CCDC73: variants seen among roughly 807,000 people sequenced by gnomAD.
The protein encoded by CCDC73 is coiled-coil domain containing 73.
CCDC73 carries 95 observed loss-of-function variants against 116.5 expected under a neutral mutation model. That is an observed-to-expected ratio of 0.82 (90% CI 0.69 to 0.97). CCDC73 has a LOEUF of 0.97. CCDC73 is among the 50% of genes least tolerant of loss of function. CCDC73 has a pLI of 0.00. For missense variants in CCDC73, 1,066 were observed against 1,206.8 expected (o/e 0.88, Z 1.73); for synonymous variants, 398 against 401.3 (o/e 0.99, Z 0.10).
intron 13 of CCDC73, among the ~76,000 whole-genome samples, chr11:32,639,163 C>CG (rs397784548): frequency 2.7e-5 from 4 of 149,790 alleles, no homozygotes; most frequent in Non-Finnish European, 5.9e-5. Flanking sequence ...ACACCCCCCC[C>CG]AAAAAATCCT....
chr11:32,612,891 C>T (rs982970562), intron 16 of CCDC73, among the ~76,000 whole-genome samples: 1 of 152,150 alleles, frequency 6.6e-6, no homozygotes, highest in Admixed American at 6.5e-5. Flanking sequence ...GGACATTATG[C>T]CATTTCATAT....
At chr11:32,776,181 C>T (rs976442961) in intron 1 of CCDC73, among the ~76,000 whole-genome samples, 10 of 152,128 alleles carry the variant, frequency 6.6e-5, no homozygotes, top group Non-Finnish European at 1.2e-4. Flanking sequence ...CATTCTGCAT[C>T]ACTACTCCTA....
intron 12 of CCDC73, among the ~76,000 whole-genome samples, chr11:32,642,646 AC>A (rs1855743408): frequency 3.9e-5 from 6 of 151,972 alleles, no homozygotes; most frequent in African/African-American, 7.2e-5. Flanking sequence ...GAGTAAAAAT[AC>A]TACCATGTGT....
the CCDC73 span, among the ~76,000 whole-genome samples, chr11:32,827,836 C>T: frequency 1.3e-5 from 2 of 152,178 alleles, no homozygotes; most frequent in African/African-American, 4.8e-5. Flanking sequence ...TGTCCATCTC[C>T]CCACCAGGAG....
At chr11:32,732,259 G>A (rs968652590) in intron 2 of CCDC73, among the ~76,000 whole-genome samples, 1 of 152,170 alleles carries the variant, frequency 6.6e-6, no homozygotes, top group African/African-American at 2.4e-5. Flanking sequence ...CAAGAAATAT[G>A]GGACTACGTG....
chr11:32,738,189 A>C (rs1565089246), intron 2 of CCDC73, among the ~76,000 whole-genome samples: 1 of 152,188 alleles, frequency 6.6e-6, no homozygotes, highest in East Asian at 1.9e-4. Context: ...TCTTTGATAC[A>C]CTGATTTCCT....
chr11:32,617,134 G>A (rs1855481287), intron 14 of CCDC73, among the ~76,000 whole-genome samples: 1 of 152,146 alleles, frequency 6.6e-6, no homozygotes, highest in African/African-American at 2.4e-5. Context: ...AGATAAATGA[G>A]GCTTGAGGTA....
At chr11:32,682,057 A>C (rs2133294112) in intron 7 of CCDC73, 1 of 152,036 alleles carries the variant, frequency 6.6e-6, no homozygotes, top group South Asian at 2.1e-4. Flanking sequence ...TGTAATTCAC[A>C]ATAACAAAAA....
intron 1 of CCDC73, among the ~76,000 whole-genome samples, chr11:32,793,873 A>C (rs989312664): frequency 6.6e-6 from 1 of 152,098 alleles, no homozygotes; most frequent in Non-Finnish European, 1.5e-5. Context: ...GGCCTCCCAA[A>C]GTGCTGGGAC....
intron 14 of CCDC73, among the ~76,000 whole-genome samples, chr11:32,624,238 G>A (rs1176731623): frequency 6.6e-6 from 1 of 152,062 alleles, no homozygotes; most frequent in Non-Finnish European, 1.5e-5. Context: ...TACCCGGGAG[G>A]CTGAGGCAGG....
chr11:32,736,807 T>C (rs866344012), intron 2 of CCDC73, among the ~76,000 whole-genome samples: 18 of 151,890 alleles, frequency 1.2e-4, no homozygotes, highest in Non-Finnish European at 2.2e-4. Flanking sequence ...GTGGCACATA[T>C]ACACCATGGA....
intron 6 of CCDC73, among the ~76,000 whole-genome samples, chr11:32,687,377 A>G (rs1856211362): frequency 6.6e-6 from 1 of 152,206 alleles, no homozygotes; most frequent in Non-Finnish European, 1.5e-5. Flanking sequence ...TGAAGGTGTC[A>G]GAATCCAAGC....
At chr11:32,615,822 A>T in intron 15 of CCDC73, 118 bp downstream of exon 15, 2 of 982,696 alleles carry the variant, frequency 2.0e-6, no homozygotes, top group Non-Finnish European at 2.9e-6. Context: ...AGAAACCAGA[A>T]TCCAAAAAGA....
Position 32,760,171 on chromosome 11 carries a change from T to G in CCDC73, c.73A>C (p.Ile25Leu), listed in dbSNP as rs745854900. ...LQSSSETLFS[I>L]QLLDFKTSLL... is the part of the protein sequence containing the mutation. Reference sequence around the variant, plus strand: ...CTTGTTTTGAAATCTAATAGCTGAATAGAAAACAATGTCTCTGAAGAACTT... The same window carrying G: ...CTTGTTTTGAAATCTAATAGCTGAAGAGAAAACAATGTCTCTGAAGAACTT... The change falls in exon 2 of 18, where the codon ATT (isoleucine) becomes CTT (leucine). Residue 25 changes from isoleucine to leucine, a missense_variant. By Grantham distance (5) the Ile-to-Leu change is conservative. Transcript: ENST00000335185. The G allele has an allele frequency of 6.2e-7, 1 of 1,601,776 alleles. No homozygotes were observed. Among genetic ancestry groups the G allele is most frequent in the Non-Finnish European group, 8.5e-7 (1 of 1,171,448 alleles).
At chr11:32,717,793 G>A (rs923589762) in intron 3 of CCDC73, among the ~76,000 whole-genome samples, 12 of 152,188 alleles carry the variant, frequency 7.9e-5, no homozygotes, top group African/African-American at 2.9e-4. Flanking sequence ...AGTTCAGCAT[G>A]TCTGCGGAGG....
intron 5 of CCDC73, among the ~76,000 whole-genome samples, chr11:32,700,105 C>T (rs1339294252): frequency 6.6e-6 from 1 of 151,538 alleles, no homozygotes; most frequent in African/African-American, 2.4e-5. Context: ...AACTTGCAGA[C>T]ACTTTATAAT....
At chr11:32,807,610 G>T in the CCDC73 span, among the ~76,000 whole-genome samples, 2 of 132,632 alleles carry the variant, frequency 1.5e-5, no homozygotes, top group Admixed American at 7.7e-5. Context: ...TTTTTTTTTA[G>T]CTCAGCAGCT....
chr11:32,684,775 G>A (rs1334816629), intron 6 of CCDC73, among the ~76,000 whole-genome samples: 2 of 152,094 alleles, frequency 1.3e-5, no homozygotes, highest in South Asian at 2.1e-4. Flanking sequence ...TTGAGTCCAG[G>A]AGTTCAAAAC....
chr11:32,652,347 C>G (rs7120401), intron 12 of CCDC73, among the ~76,000 whole-genome samples: 12,629 of 149,646 alleles, frequency 0.084, 613 homozygotes, highest in South Asian at 0.12. Context: ...CAAAACAAAA[C>G]AAAAGAAAAG....
Sources: gnomAD v4.1 joint callset for allele counts (sites outside exome capture counted in the v4.1 genomes callset) on GRCh38, gnomAD v4.1.1 for gene constraint, MANE v1.5 for transcripts, NCBI Gene and HGNC (gene_info 2026-07-23, HGNC 2026-07-21) for gene names.